Variants in CDKAL1 observed in about 807,000 individuals in gnomAD.
The protein encoded by CDKAL1 is threonylcarbamoyladenosine tRNA methylthiotransferase.
A neutral mutation model predicts 68.2 loss-of-function variants in CDKAL1; 32 were observed. The ratio of observed to expected loss-of-function variants is 0.47; its 90% CI spans 0.35 to 0.63. The LOEUF (loss-of-function observed/expected upper bound fraction) is 0.63, where lower values mean the gene tolerates loss of function less well. Among genes scored for constraint, CDKAL1 ranks in the 30% least tolerant of loss-of-function variants. The probability of loss-of-function intolerance (pLI) is 0.00; values close to 1 mark genes in which losing one functional copy is unlikely to be tolerated. For missense variants in CDKAL1, 606 were observed against 696.7 expected, an observed-to-expected ratio of 0.87 and a Z score of 1.47; for synonymous variants, 234 against 244.3, an observed-to-expected ratio of 0.96 and a Z score of 0.39.
At chr6:21,104,145 G>A (rs915923438) in intron 12 of CDKAL1, among the ~76,000 whole-genome samples, 3 of 152,250 alleles carry the variant, frequency 2.0e-5, no homozygotes, top group East Asian at 3.9e-4. Context: ...GAATACAGAC[G>A]GCTCTGAAAG....
At chr6:20,845,577 T>G (rs1238176857) in intron 8 of CDKAL1, among the ~76,000 whole-genome samples, 3 of 152,116 alleles carry the variant, frequency 2.0e-5, no homozygotes, top group Non-Finnish European at 4.4e-5. Context: ...ATCTAAAAAT[T>G]TCTAAGGTTG....
chr6:20,681,389 C>T (rs538506738), intron 5 of CDKAL1, among the ~76,000 whole-genome samples: 1 of 152,342 alleles, frequency 6.6e-6, no homozygotes, highest in African/African-American at 2.4e-5. Flanking sequence ...CCACTGTTTG[C>T]CTGAGCCTAC....
At chr6:20,540,311 G>A (rs1763340197) in intron 2 of CDKAL1, among the ~76,000 whole-genome samples, 1 of 151,884 alleles carries the variant, frequency 6.6e-6, no homozygotes, top group Non-Finnish European at 1.5e-5. Flanking sequence ...CTGACCTTGT[G>A]ATTCACCCAC....
intron 10 of CDKAL1, among the ~76,000 whole-genome samples, chr6:20,964,929 G>A (rs192978660): frequency 2.0e-5 from 3 of 152,158 alleles, no homozygotes; most frequent in East Asian, 3.9e-4. Flanking sequence ...CAAAAGAGAC[G>A]GTTAATTTTC....
chr6:20,902,445 G>A (rs1380951125), intron 9 of CDKAL1, among the ~76,000 whole-genome samples: 1 of 152,012 alleles, frequency 6.6e-6, no homozygotes, highest in Non-Finnish European at 1.5e-5. Context: ...CAGGTTTATG[G>A]ATAAGGTACA....
In CDKAL1 at chr6:21,108,396, C is replaced by A; in HGVS notation, c.1237-5C>A. The stretch of plus-strand genomic sequence containing the variant: ...GTTTTTTGTTTTTTTTGTTTTTTTT[C>A]ACAGAAAAAGCAAAGGACAAAAGAT... On this transcript the variant is annotated splice_region_variant and splice_polypyrimidine_tract_variant and intron_variant, in intron 12 of 15. Coordinates refer to ENST00000274695, the MANE Select transcript of CDKAL1 (RefSeq NM_017774.3). The A allele has an allele frequency of 6.3e-7, 1 of 1,584,412 alleles. No homozygotes were observed. Among genetic ancestry groups the A allele is most frequent in the South Asian group, 1.2e-5 (1 of 86,534 alleles).
At chr6:20,732,263 C>CTTTTTTTTTTTTTTTT (rs56911987) in intron 5 of CDKAL1, among the ~76,000 whole-genome samples, 56 of 83,474 alleles carry the variant, frequency 6.7e-4, no homozygotes, top group African/African-American at 1.7e-3. Context: ...TTCTTTCTTT[C>CTTTTTTTTTTTTTTTT]TTTTTTTTTT....
intron 9 of CDKAL1, among the ~76,000 whole-genome samples, chr6:20,916,008 A>G (rs1277899170): frequency 6.6e-6 from 1 of 152,212 alleles, no homozygotes; most frequent in African/African-American, 2.4e-5. Context: ...AGAAAAGATT[A>G]ATGACTGCTG....
At chr6:21,154,998 C>A (rs1009811189) in intron 13 of CDKAL1, among the ~76,000 whole-genome samples, 1 of 135,946 alleles carries the variant, frequency 7.4e-6, no homozygotes, top group African/African-American at 3.0e-5. Flanking sequence ...CCCCACCCCC[C>A]CCAAAAAAAA....
intron 12 of CDKAL1, among the ~76,000 whole-genome samples, chr6:21,083,477 T>C (rs1434317341): frequency 6.6e-6 from 1 of 152,168 alleles, no homozygotes; most frequent in Non-Finnish European, 1.5e-5. Context: ...TCATAGATAT[T>C]TTGCTGCTAA....
intron 5 of CDKAL1, among the ~76,000 whole-genome samples, chr6:20,724,446 G>A (rs1344565652): frequency 6.6e-6 from 1 of 152,102 alleles, no homozygotes; most frequent in African/African-American, 2.4e-5. Flanking sequence ...ACCAGGTACA[G>A]TGGCTTATAC....
chr6:20,930,454 T>A (rs886102231), intron 9 of CDKAL1, among the ~76,000 whole-genome samples: 2 of 152,138 alleles, frequency 1.3e-5, no homozygotes, highest in African/African-American at 4.8e-5. Flanking sequence ...AACTTTACTG[T>A]CAAAGAAGTA....
chr6:20,644,369 G>C (rs1315830138), intron 4 of CDKAL1, among the ~76,000 whole-genome samples: 1 of 152,054 alleles, frequency 6.6e-6, no homozygotes, highest in Admixed American at 6.6e-5. Context: ...AAAACTGATA[G>C]AGTTCAGAAA....
chr6:20,673,700 A>C (rs1769957667), intron 5 of CDKAL1, among the ~76,000 whole-genome samples: 1 of 152,160 alleles, frequency 6.6e-6, no homozygotes, highest in Admixed American at 6.5e-5. Flanking sequence ...CATGAGTCTC[A>C]TGAGATCTGA....
chr6:20,778,067 T>C (rs924831293), intron 7 of CDKAL1, among the ~76,000 whole-genome samples: 6 of 149,464 alleles, frequency 4.0e-5, no homozygotes, highest in African/African-American at 1.0e-4. Context: ...GGAAAATAAA[T>C]AGCATCAGGA....
chr6:21,104,071 CTT>C (rs1208606116), intron 12 of CDKAL1, among the ~76,000 whole-genome samples: 1 of 152,116 alleles, frequency 6.6e-6, no homozygotes, highest in African/African-American at 2.4e-5. Flanking sequence ...ACTTACTTGG[CTT>C]TAGTGCTAGA....
intron 7 of CDKAL1, among the ~76,000 whole-genome samples, chr6:20,759,528 C>T (rs546047461): frequency 6.6e-5 from 10 of 152,126 alleles, no homozygotes; most frequent in East Asian, 5.8e-4. Flanking sequence ...GTTGACAGAG[C>T]GAGACCCTAT....
At chr6:20,686,483 C>A (rs1373697331) in intron 5 of CDKAL1, among the ~76,000 whole-genome samples, 2 of 152,232 alleles carry the variant, frequency 1.3e-5, no homozygotes, top group Non-Finnish European at 2.9e-5. Flanking sequence ...TGTCTCCCAT[C>A]ACCCCCAGAT....
intron 5 of CDKAL1, among the ~76,000 whole-genome samples, chr6:20,678,283 G>T (rs1373061652): frequency 6.6e-6 from 1 of 151,978 alleles, no homozygotes; most frequent in African/African-American, 2.4e-5. Flanking sequence ...TTCTTCTTGG[G>T]CTGGGCATGG....
Sources: allele counts gnomAD v4.1 joint callset (sites outside exome capture counted in the v4.1 genomes callset), GRCh38; gene constraint gnomAD v4.1.1; transcripts MANE v1.5; gene names NCBI Gene and HGNC (gene_info 2026-07-23, HGNC 2026-07-21).